The following LRRC8C variants were observed in gnomAD, a reference collection of about 807,000 sequenced individuals.
The protein encoded by LRRC8C is volume-regulated anion channel subunit LRRC8C.
A neutral mutation model predicts 55.3 loss-of-function variants in LRRC8C; 20 were observed. The ratio of observed to expected loss-of-function variants is 0.36; its 90% CI spans 0.25 to 0.53. The LOEUF (loss-of-function observed/expected upper bound fraction) is 0.53, where lower values mean the gene tolerates loss of function less well. LRRC8C is among the 20% of genes least tolerant of loss of function. The pLI is 0.92. For missense variants in LRRC8C, 659 were observed against 951.4 expected (o/e 0.69, Z 4.04); for synonymous variants, 376 against 360.7 (o/e 1.04, Z -0.48).
intron 2 of LRRC8C, among the ~76,000 whole-genome samples, chr1:89,705,558 C>T (rs899340452): frequency 2.6e-5 from 4 of 151,892 alleles, no homozygotes; most frequent in African/African-American, 4.8e-5. Flanking sequence ...GTGGGTGGAT[C>T]GTTTTGAGCA....
intron 1 of LRRC8C, among the ~76,000 whole-genome samples, chr1:89,677,259 A>T (rs141559510): frequency 8.2e-4 from 125 of 152,332 alleles, no homozygotes; most frequent in African/African-American, 2.9e-3. Flanking sequence ...TGGTCCATTA[A>T]TTGAACATAC....
intron 1 of LRRC8C, among the ~76,000 whole-genome samples, chr1:89,634,655 T>A (rs975638673): frequency 6.6e-5 from 10 of 152,246 alleles, no homozygotes; most frequent in African/African-American, 2.4e-4. Flanking sequence ...TGTTTATTTT[T>A]AAATAATTTG....
chr1:89,684,455 A>G (rs1321885092), intron 1 of LRRC8C, among the ~76,000 whole-genome samples: 1 of 152,248 alleles, frequency 6.6e-6, no homozygotes, highest in East Asian at 1.9e-4. Flanking sequence ...AATTTATTCA[A>G]CAGACAGTTG....
At chr1:89,626,960 GACACACACACACACAC>G in the LRRC8C span, 37 of 122,678 alleles carry the variant, frequency 3.0e-4, no homozygotes, top group African/African-American at 5.6e-4. Context: ...CTCTAGTCTA[GACACACACACACACAC>G]ACACACACAC....
At chr1:89,690,597 A>G (rs545002748) in intron 2 of LRRC8C, among the ~76,000 whole-genome samples, 10 of 152,342 alleles carry the variant, frequency 6.6e-5, no homozygotes, top group Non-Finnish European at 1.3e-4. Context: ...GTTAACTTGC[A>G]ATGAAATGAA....
At chr1:89,661,834 G>C (rs529471642) in intron 1 of LRRC8C, among the ~76,000 whole-genome samples, 1 of 152,200 alleles carries the variant, frequency 6.6e-6, no homozygotes, top group East Asian at 1.9e-4. Context: ...TATTAAATTG[G>C]CTTTGCAGTA....
the LRRC8C span, among the ~76,000 whole-genome samples, chr1:89,626,996 CACACACACACACGTTT>C: frequency 6.6e-6 from 1 of 151,272 alleles, no homozygotes; most frequent in African/African-American, 2.4e-5. Context: ...CACACACACA[CACACACACACACGTTT>C]AAGTTTCCAT....
the LRRC8C span, among the ~76,000 whole-genome samples, chr1:89,625,715 C>A: frequency 6.6e-6 from 1 of 152,158 alleles, no homozygotes. Context: ...ATTTCACTAC[C>A]GTGATAAGGT....
chr1:89,660,599 A>G (rs142704236), intron 1 of LRRC8C, among the ~76,000 whole-genome samples: 151 of 152,258 alleles, frequency 9.9e-4, no homozygotes, highest in African/African-American at 3.3e-3. Context: ...AAGTTTTCCA[A>G]TCAGAAGTTA....
At chr1:89,643,491 G>A (rs1453418059) in intron 1 of LRRC8C, among the ~76,000 whole-genome samples, 1 of 152,190 alleles carries the variant, frequency 6.6e-6, no homozygotes, top group African/African-American at 2.4e-5. Context: ...TTGTGGACTA[G>A]GCAAACCTAT....
At chr1:89,680,549 CTTTTT>C (rs10593283) in intron 1 of LRRC8C, among the ~76,000 whole-genome samples, 2 of 91,864 alleles carry the variant, frequency 2.2e-5, no homozygotes, top group Non-Finnish European at 3.8e-5. Context: ...TGCTTTCATG[CTTTTT>C]TTTTTTTTTT....
At chr1:89,705,547 G>A (rs1012552488) in intron 2 of LRRC8C, among the ~76,000 whole-genome samples, 6 of 152,092 alleles carry the variant, frequency 3.9e-5, no homozygotes, top group Non-Finnish European at 7.4e-5. Flanking sequence ...GGGAGACTGA[G>A]GTGGGTGGAT....
chr1:89,624,523 A>C, the LRRC8C span, among the ~76,000 whole-genome samples: 2 of 152,212 alleles, frequency 1.3e-5, no homozygotes, highest in South Asian at 4.1e-4. Context: ...AACAGAACAA[A>C]GCTGCACTAT....
rs371583326 is a variant in LRRC8C at position 89,713,600 on chromosome 1, C to T, written c.1030C>T (p.Arg344Cys). ...CLYTLYWLFY[R>C]SLREYSFEYV... ...TTATACCTTATACTGGCTGTTCTAC[C>T]GTTCTCTACGGGAATATTCCTTTGA... Residue 344 changes from arginine (R) to cysteine (C), a missense_variant, in exon 3 of 3, where the codon CGT becomes TGT. By Grantham distance (180) the Arg-to-Cys change is radical. Coordinates refer to ENST00000370454, the MANE Select transcript of LRRC8C (RefSeq NM_032270.5). The surrounding 1 kb of genome is among the most constrained non-coding windows in gnomAD (Gnocchi z 5.2). 1.9e-6 allele frequency: 3 copies of T among 1,614,032 alleles called. No homozygotes were observed. Among genetic ancestry groups the T allele is most frequent in the Non-Finnish European group, 2.5e-6 (3 of 1,180,022 alleles).
At chr1:89,656,120 G>A (rs1417913365) in intron 1 of LRRC8C, among the ~76,000 whole-genome samples, 1 of 152,218 alleles carries the variant, frequency 6.6e-6, no homozygotes, top group Non-Finnish European at 1.5e-5. Context: ...TCAACATGAG[G>A]GCTCTTTCAG....
intron 1 of LRRC8C, among the ~76,000 whole-genome samples, chr1:89,651,676 T>TA (rs1656787952): frequency 6.6e-6 from 1 of 152,110 alleles, no homozygotes; most frequent in Non-Finnish European, 1.5e-5. Flanking sequence ...CCTTGCATTT[T>TA]AAAAAAGATT....
intron 1 of LRRC8C, chr1:89,676,288 G>C (rs1279193706): frequency 6.6e-6 from 1 of 152,126 alleles, no homozygotes; most frequent in Non-Finnish European, 1.5e-5. Flanking sequence ...TACAAGCTAA[G>C]ACCTCAGAAG....
At chr1:89,685,411 G>A (rs115279866) in intron 1 of LRRC8C, among the ~76,000 whole-genome samples, 2,661 of 152,248 alleles carry the variant, frequency 0.017, 74 homozygotes, top group African/African-American at 0.06. Flanking sequence ...CACCGCGCCC[G>A]GCCATTGTCT....
In LRRC8C at chr1:89,715,444, A is replaced by C. The variant is rs1658791339; in HGVS notation, c.*462A>C. The C allele has an allele frequency of 1.3e-5, 2 of 152,672 alleles. No individual in the cohort carries two copies. The highest frequency in any genetic ancestry group is 1.3e-4 in the Admixed American group (2 of 15,286). 9.5% of individuals were successfully genotyped at this position (152,672 alleles called of 1,614,324 possible). On this transcript the variant is annotated 3_prime_UTR_variant, in exon 3 of 3. Transcript: ENST00000370454. ...TACCAGCTGTCTTCTCCATTGGCCAAGACCTTCATTCAGTGGAACTTCACA... is the reference window on the plus strand; with the variant it reads ...TACCAGCTGTCTTCTCCATTGGCCACGACCTTCATTCAGTGGAACTTCACA...
Sources: gnomAD v4.1 joint callset for allele counts (sites outside exome capture counted in the v4.1 genomes callset) on GRCh38, gnomAD v4.1.1 for gene constraint, Gnocchi (gnomAD v3.1) non-coding constraint, MANE v1.5 for transcripts, NCBI Gene and HGNC (gene_info 2026-07-23, HGNC 2026-07-21) for gene names.